The following FGGY variants were observed in gnomAD, a reference collection of about 807,000 sequenced individuals.
The protein encoded by FGGY is FGGY carbohydrate kinase domain-containing protein.
Under a neutral mutation model 71.3 loss-of-function variants are expected in FGGY, and 72 were observed. The observed-to-expected ratio is 1.01, with a 90% CI of 0.84 to 1.23. The LOEUF (loss-of-function observed/expected upper bound fraction) is 1.23, where lower values mean the gene tolerates loss of function less well. FGGY is among the 50% of genes most tolerant of loss of function. FGGY has a pLI of 0.00. For missense variants in FGGY, 668 were observed against 682.3 expected (o/e 0.98, Z 0.23); for synonymous variants, 251 against 250.3 (o/e 1.00, Z -0.02).
rs1305838871 is a variant in FGGY, at chr1:59,555,492, C to G, written c.903+1265C>G. Among the ~76,000 whole-genome samples, 5 of 152,300 alleles carry G rather than the reference C, an allele frequency of 3.3e-5. No homozygotes were observed. In the East Asian group the frequency reaches 7.7e-4, roughly 24 times the overall value. On this transcript the variant is annotated intron_variant, in intron 8 of 15. Transcript: ENST00000303721. The stretch of plus-strand genomic sequence containing the variant: ...ATTAAATGAGGTGATACTAAGTGCT[C>G]CACATGCAGTAAGCACATCACAAGG...
intron 5 of FGGY, among the ~76,000 whole-genome samples, chr1:59,401,958 G>A (rs1049863871): frequency 2.6e-5 from 4 of 152,194 alleles, no homozygotes; most frequent in Admixed American, 6.5e-5. Flanking sequence ...AAGGTACCAT[G>A]GCGTTCTGTG....
intron 6 of FGGY, among the ~76,000 whole-genome samples, chr1:59,499,940 T>C (rs900622958): frequency 6.6e-6 from 1 of 152,216 alleles, no homozygotes; most frequent in African/African-American, 2.4e-5. Context: ...TGTAAATATA[T>C]ACATATATAT....
Position 59,365,793 on chromosome 1 carries a change from A to C in FGGY, c.466-12956A>C, listed in dbSNP as rs145929293. Among the ~76,000 whole-genome samples the C allele has an allele frequency of 6.5e-3, 995 of 152,176 alleles. 6 individuals carry two copies. The highest frequency in any genetic ancestry group is 9.0e-3 in the Non-Finnish European group (613 of 68,008). On this transcript the variant is annotated intron_variant, in intron 4 of 15. Coordinates refer to ENST00000303721, the MANE Select transcript of FGGY (RefSeq NM_018291.5). ...GTCAAAGTGCTTTGAAAACTGTGAAACTCTGTAGCAGAAGAGTGAATCTTG... is the reference window on the plus strand; with the variant it reads ...GTCAAAGTGCTTTGAAAACTGTGAACCTCTGTAGCAGAAGAGTGAATCTTG...
chr1:59,499,931 G>A (rs933103209), intron 6 of FGGY, among the ~76,000 whole-genome samples: 20 of 152,056 alleles, frequency 1.3e-4, no homozygotes, highest in African/African-American at 4.4e-4. Context: ...GTGTGTGTGT[G>A]TAAATATATA....
intron 3 of FGGY, among the ~76,000 whole-genome samples, chr1:59,345,380 C>G (rs1037762405): frequency 6.6e-6 from 1 of 152,234 alleles, no homozygotes; most frequent in East Asian, 1.9e-4. Flanking sequence ...GGATTTCTGG[C>G]TTGCCCATTG....
At chr1:59,670,365 G>A (rs1181808520) in intron 13 of FGGY, among the ~76,000 whole-genome samples, 1 of 152,204 alleles carries the variant, frequency 6.6e-6, no homozygotes, top group Non-Finnish European at 1.5e-5. Flanking sequence ...TTCCTACAAA[G>A]ACAGTTAGGG....
chr1:59,519,780 C>T (rs2094773046), intron 7 of FGGY, among the ~76,000 whole-genome samples: 1 of 152,150 alleles, frequency 6.6e-6, no homozygotes, highest in African/African-American at 2.4e-5. Flanking sequence ...GGTTGTTTCC[C>T]CATTCTGCAT....
intron 14 of FGGY, among the ~76,000 whole-genome samples, chr1:59,688,833 T>C (rs982839403): frequency 6.6e-6 from 1 of 151,432 alleles, no homozygotes; most frequent in Non-Finnish European, 1.5e-5. Context: ...CACTGCAACC[T>C]CCACCTCCCT....
At chr1:59,487,106 G>A (rs1388573251) in intron 6 of FGGY, among the ~76,000 whole-genome samples, 5 of 152,102 alleles carry the variant, frequency 3.3e-5, no homozygotes, top group African/African-American at 1.2e-4. Flanking sequence ...GGAGGTATTA[G>A]GGTCAGATGT....
At chr1:59,625,423 A>ATCCCAT (rs2096846620) in intron 9 of FGGY, among the ~76,000 whole-genome samples, 1 of 152,200 alleles carries the variant, frequency 6.6e-6, no homozygotes, top group African/African-American at 2.4e-5. Context: ...TTGTTCAGTC[A>ATCCCAT]GGAGAGTTTC....
chr1:59,728,565 T>G (rs929229451), intron 14 of FGGY, among the ~76,000 whole-genome samples: 2 of 152,066 alleles, frequency 1.3e-5, no homozygotes, highest in African/African-American at 4.8e-5. Flanking sequence ...TTTTCAACAT[T>G]TTTTATAATG....
At chr1:59,700,820 G>A (rs1296880261) in intron 14 of FGGY, among the ~76,000 whole-genome samples, 1 of 152,178 alleles carries the variant, frequency 6.6e-6, no homozygotes, top group East Asian at 1.9e-4. Flanking sequence ...GGTGTGAAGG[G>A]CTGGCTTTGT....
chr1:59,342,194 C>A lies in FGGY; in HGVS notation c.313+2125C>A, dbSNP rs758813717. ...AAAATTGCCAATTCATGAGCCCTAC[C>A]CTCAGGATTTGTATTCACTTGACTT... is the stretch of plus-strand genomic sequence containing the variant. On this transcript the variant is annotated intron_variant, in intron 3 of 15. Coordinates refer to ENST00000303721, the MANE Select transcript of FGGY (RefSeq NM_018291.5). 8.5e-5 allele frequency among the ~76,000 whole-genome samples: 13 copies of A among 152,056 alleles called. 1 individual carries two copies. Among genetic ancestry groups the A allele is most frequent in the Non-Finnish European group, 1.8e-4 (12 of 68,024 alleles).
chr1:59,648,734 G>C (rs977128669), intron 11 of FGGY, among the ~76,000 whole-genome samples: 2 of 151,236 alleles, frequency 1.3e-5, no homozygotes. Flanking sequence ...CTTTTGCTGT[G>C]CAGAAGCTCT....
chr1:59,451,309 T>C (rs2072642789), intron 5 of FGGY, among the ~76,000 whole-genome samples: 1 of 151,966 alleles, frequency 6.6e-6, no homozygotes, highest in South Asian at 2.1e-4. Flanking sequence ...TCTAGACTCT[T>C]ACTTAATATT....
At chr1:59,396,515 A>C (rs1401333456) in intron 5 of FGGY, among the ~76,000 whole-genome samples, 1 of 152,136 alleles carries the variant, frequency 6.6e-6, no homozygotes, top group Non-Finnish European at 1.5e-5. Flanking sequence ...AGGAGCCCAG[A>C]GGTGCAGGGA....
At chr1:59,296,627 A>T (rs2153067953), upstream of FGGY, 1 of 151,624 alleles carries the variant, frequency 6.6e-6, no homozygotes, top group Non-Finnish European at 1.5e-5. Context: ...CCCGGTTCAA[A>T]GGGCCAATCA....
At chr1:59,627,583 C>T (rs754855696) in intron 10 of FGGY, among the ~76,000 whole-genome samples, 1 of 151,086 alleles carries the variant, frequency 6.6e-6, no homozygotes, top group Non-Finnish European at 1.5e-5. Context: ...CTCCCTAGGT[C>T]TCTCTGCTGA....
intron 10 of FGGY, among the ~76,000 whole-genome samples, chr1:59,630,548 C>T (rs1209719274): frequency 6.6e-6 from 1 of 152,090 alleles, no homozygotes; most frequent in Admixed American, 6.5e-5. Context: ...ATTTTACAGG[C>T]ATTAATAGGA....
Sources: gnomAD v4.1 joint callset for allele counts (sites outside exome capture counted in the v4.1 genomes callset) on GRCh38, gnomAD v4.1.1 for gene constraint, MANE v1.5 for transcripts, NCBI Gene and HGNC (gene_info 2026-07-23, HGNC 2026-07-21) for gene names.